MICAL3: variants seen among roughly 807,000 people sequenced by gnomAD.
The protein encoded by MICAL3 is microtubule associated monooxygenase, calponin and LIM domain containing 3.
In MICAL3, 62 loss-of-function variants were observed where a neutral mutation model predicts 207.4. That is an observed-to-expected ratio of 0.30 (90% CI 0.24 to 0.37). The LOEUF is 0.37. Ranked by LOEUF, MICAL3 falls within the 10% of genes least tolerant of loss-of-function variation. MICAL3 has a pLI of 1.00. For missense variants in MICAL3, 2,368 were observed against 2,635.6 expected, an observed-to-expected ratio of 0.90 and a Z score of 2.22; for synonymous variants, 1,077 against 1,069.3, an observed-to-expected ratio of 1.01 and a Z score of -0.14.
chr22:17,917,844 C>G (rs1301913484), intron 1 of MICAL3, among the ~76,000 whole-genome samples: 1 of 152,236 alleles, frequency 6.6e-6, no homozygotes, highest in East Asian at 1.9e-4. Flanking sequence ...CCCCGTCACT[C>G]TCGACCCACA....
At position 17,925,485 on chromosome 22, in the gene MICAL3, G is replaced by C. The variant is rs568442243; in HGVS notation, c.-74-18599C>G. On this transcript the variant is annotated intron_variant, in intron 1 of 31. Transcript: ENST00000441493. ...ATCTCCCAAACCTGAAGACGATTAT[G>C]GTTCAGTCAGTTTTACGAGGAATGT... 7.5e-4 allele frequency among the ~76,000 whole-genome samples: 114 copies of C among 152,244 alleles called. 1 individual carries two copies. The highest frequency in any genetic ancestry group is 2.6e-3 in the African/African-American group (108 of 41,526).
At chr22:17,967,813 G>A (rs531937359) in intron 1 of MICAL3, among the ~76,000 whole-genome samples, 4 of 152,274 alleles carry the variant, frequency 2.6e-5, no homozygotes, top group East Asian at 1.9e-4. Context: ...TTGGGAGGCC[G>A]AGGTGGGCAG....
intron 29 of MICAL3, among the ~76,000 whole-genome samples, chr22:17,808,288 C>T (rs143301122): frequency 6.6e-6 from 1 of 152,270 alleles, no homozygotes; most frequent in African/African-American, 2.4e-5. Flanking sequence ...ATACCCTGAG[C>T]CTCTCCAGCC....
At chr22:17,961,755 C>T (rs1439054997) in intron 1 of MICAL3, among the ~76,000 whole-genome samples, 1 of 152,194 alleles carries the variant, frequency 6.6e-6, no homozygotes, top group Non-Finnish European at 1.5e-5. Context: ...GCTGGGCCTG[C>T]CCTTAGCCAT....
chr22:17,794,911 C>A (rs753525470), intron 29 of MICAL3, among the ~76,000 whole-genome samples: 5 of 152,184 alleles, frequency 3.3e-5, no homozygotes, highest in Admixed American at 6.5e-5. Flanking sequence ...CACGGGGCCT[C>A]GGCCCGCGGG....
intron 19 of MICAL3, among the ~76,000 whole-genome samples, chr22:17,852,158 A>G (rs142605591): frequency 6.6e-6 from 1 of 152,320 alleles, no homozygotes; most frequent in Non-Finnish European, 1.5e-5. Flanking sequence ...CGTTCCAACA[A>G]AAGGCTTCTC....
At chr22:17,838,205 G>GC (rs1923603698) in intron 20 of MICAL3, among the ~76,000 whole-genome samples, 1 of 152,236 alleles carries the variant, frequency 6.6e-6, no homozygotes, top group African/African-American at 2.4e-5. Context: ...TTGGACCACA[G>GC]CATCACCTGG....
At chr22:18,011,538 A>G (rs1923731446) in intron 1 of MICAL3, among the ~76,000 whole-genome samples, 1 of 151,790 alleles carries the variant, frequency 6.6e-6, no homozygotes, top group Non-Finnish European at 1.5e-5. Context: ...ATTGCACTCC[A>G]GCCTGGGCAA....
In MICAL3 at chr22:17,819,137, G is replaced by C. The variant is rs1317361043; in HGVS notation, c.3532-8C>G. 6.8e-7 allele frequency: 1 copy of C among 1,465,172 alleles called. No homozygotes were observed. Among genetic ancestry groups the C allele is most frequent in the Non-Finnish European group, 9.0e-7 (1 of 1,105,092 alleles). The allele number at this position is 1,465,172 out of a possible 1,614,324, so 90.8% of individuals were successfully genotyped here. Reference sequence around the variant, plus strand: ...AGGTGGGAGTTGGGGCCCCTACAGGGAAGGAAGACAGAAGCCGCTGAGAAG... The same window carrying C: ...AGGTGGGAGTTGGGGCCCCTACAGGCAAGGAAGACAGAAGCCGCTGAGAAG... On this transcript the variant is annotated splice_region_variant and splice_polypyrimidine_tract_variant and intron_variant, in intron 25 of 31. Transcript: ENST00000441493.
intron 1 of MICAL3, among the ~76,000 whole-genome samples, chr22:17,929,555 T>G (rs1167866321): frequency 7.5e-6 from 1 of 133,850 alleles, no homozygotes; most frequent in Non-Finnish European, 1.6e-5. Flanking sequence ...TTTTCTTTCT[T>G]TCCTTTTCTT....
At chr22:17,905,327 G>C (rs1931635556) in intron 2 of MICAL3, among the ~76,000 whole-genome samples, 1 of 152,154 alleles carries the variant, frequency 6.6e-6, no homozygotes, top group African/African-American at 2.4e-5. Flanking sequence ...CAATTTTCAA[G>C]AGCCAAAGTT....
intron 29 of MICAL3, among the ~76,000 whole-genome samples, chr22:17,805,430 C>T (rs2061979877): frequency 6.6e-6 from 1 of 152,244 alleles, no homozygotes; most frequent in Admixed American, 6.5e-5. Context: ...TTCTTATATT[C>T]TTATGGTAGG....
At chr22:17,962,747 G>A (rs898819563) in intron 1 of MICAL3, among the ~76,000 whole-genome samples, 1 of 121,892 alleles carries the variant, frequency 8.2e-6, no homozygotes. Context: ...TACACAGGGC[G>A]GCATAAAAAC....
intron 1 of MICAL3, among the ~76,000 whole-genome samples, chr22:17,928,449 AAAG>A (rs778807189): frequency 0.27 from 35,953 of 133,640 alleles, 4,640 homozygotes; most frequent in African/African-American, 0.39. Flanking sequence ...AAAAAAAAAG[AAAG>A]AAAGAAAGAA....
At chr22:17,869,827 A>G (rs1194322846) in intron 17 of MICAL3, among the ~76,000 whole-genome samples, 1 of 152,188 alleles carries the variant, frequency 6.6e-6, no homozygotes, top group African/African-American at 2.4e-5. Context: ...TTCTAATTAC[A>G]GTAATAAAAA....
At position 17,788,552 on chromosome 22, in the gene MICAL3, AGTGAAG is replaced by A. The variant is rs2061803343; in HGVS notation, c.*2174_*2179del. The A allele has an allele frequency of 6.6e-6, 1 of 152,280 alleles. No individual in the cohort carries two copies. Among genetic ancestry groups the A allele is most frequent in the Admixed American group, 6.5e-5 (1 of 15,292 alleles). 9.4% of individuals were successfully genotyped at this position (152,280 alleles called of 1,614,324 possible). A position where few individuals can be genotyped will look rare whatever the true frequency, so the allele number is the denominator to read the frequency against. ...GAGGTCTGGGAAAGGCCACGCAGGCAGTGAAGGTCTTTTCCCACGTCCAATTTTATG... is the reference window on the plus strand; with the variant it reads ...GAGGTCTGGGAAAGGCCACGCAGGCAGTCTTTTCCCACGTCCAATTTTATG... On this transcript the variant is annotated 3_prime_UTR_variant, in exon 32 of 32. Transcript: ENST00000441493.
intron 1 of MICAL3, among the ~76,000 whole-genome samples, chr22:17,962,178 T>C (rs1569148630): frequency 6.6e-6 from 1 of 152,158 alleles, no homozygotes; most frequent in Non-Finnish European, 1.5e-5. Context: ...CGAGACATCA[T>C]TCCAACCCTC....
At chr22:17,930,577 T>C (rs1464209882) in intron 1 of MICAL3, among the ~76,000 whole-genome samples, 1 of 152,190 alleles carries the variant, frequency 6.6e-6, no homozygotes, top group African/African-American at 2.4e-5. Flanking sequence ...CACGACTCCA[T>C]GTACACAAAG....
At chr22:17,962,641 G>T (rs1415834906) in intron 1 of MICAL3, among the ~76,000 whole-genome samples, 1 of 149,652 alleles carries the variant, frequency 6.7e-6, no homozygotes, top group Non-Finnish European at 1.5e-5. Flanking sequence ...AAAATTATTC[G>T]ACAAATTTGG....
Sources: allele counts gnomAD v4.1 joint callset (sites outside exome capture counted in the v4.1 genomes callset), GRCh38; gene constraint gnomAD v4.1.1; transcripts MANE v1.5; gene names NCBI Gene and HGNC (gene_info 2026-07-23, HGNC 2026-07-21).